The following KIF5A variants were observed in gnomAD, a reference collection of about 807,000 sequenced individuals.
KIF5A encodes kinesin family member 5A, also known as kinesin heavy chain isoform 5A.
In KIF5A, 35 loss-of-function variants were observed where a neutral mutation model predicts 141.3. That is an observed-to-expected ratio of 0.25 (90% CI 0.19 to 0.33). The LOEUF is 0.33. Among genes scored for constraint, KIF5A ranks in the 10% least tolerant of loss-of-function variants. The pLI is 1.00. For missense variants in KIF5A, 861 were observed against 1,314.3 expected (o/e 0.66, Z 5.33); for synonymous variants, 448 against 500.2 (o/e 0.90, Z 1.39).
chr12:57,578,396 A>G, intron 23 of KIF5A, 54 bp downstream of exon 23: 1 of 1,227,900 alleles, frequency 8.1e-7, no homozygotes, highest in South Asian at 1.2e-5. Context: ...TAGCTAGCAT[A>G]CCAAATCCTC....
intron 6 of KIF5A, among the ~76,000 whole-genome samples, chr12:57,566,907 G>T (rs1396005368): frequency 2.6e-5 from 4 of 151,894 alleles, no homozygotes; most frequent in African/African-American, 7.2e-5. Context: ...GGGCGTGTTG[G>T]CTCATGCCTG....
At chr12:57,558,919 G>T (rs1004613873) in intron 1 of KIF5A, among the ~76,000 whole-genome samples, 1 of 152,080 alleles carries the variant, frequency 6.6e-6, no homozygotes, top group Non-Finnish European at 1.5e-5. Context: ...GGGACCACAA[G>T]GCCCATGCCA....
At chr12:57,565,882 C>G (rs1463103337) in intron 6 of KIF5A, among the ~76,000 whole-genome samples, 1 of 151,508 alleles carries the variant, frequency 6.6e-6, no homozygotes, top group Non-Finnish European at 1.5e-5. Flanking sequence ...GCCTCAGCCT[C>G]CCAAAGTGCT....
rs116892071 is a variant in KIF5A at position 57,569,174 on chromosome 12, C to T, written c.820-82C>T. 6.0e-3 allele frequency: 9,551 copies of T among 1,579,990 alleles called. 52 individuals carry two copies. Among genetic ancestry groups the T allele is most frequent in the Non-Finnish European group, 7.1e-3 (8,216 of 1,150,080 alleles). On this transcript the variant is annotated intron_variant, in intron 9 of 28. Transcript: ENST00000455537. The stretch of plus-strand genomic sequence containing the variant: ...CCCCAATTCATGGGTTGTCTGATCC[C>T]GGGGTGGCACCACTATCCTTTCTGA...
intron 18 of KIF5A, 38 bp from the exon 19 acceptor site, chr12:57,576,231 G>A (rs763075012): frequency 1.2e-6 from 2 of 1,611,772 alleles, no homozygotes; most frequent in African/African-American, 1.3e-5. Context: ...TTGTTGCTGG[G>A]AGTCTGGCCT....
chr12:57,583,091 C>T lies in KIF5A; in HGVS notation c.3021-10C>T, dbSNP rs774933373. 1.5e-5 allele frequency: 24 copies of T among 1,612,280 alleles called. No homozygotes were observed. Among genetic ancestry groups the T allele is most frequent in the South Asian group, 2.2e-5 (2 of 90,924 alleles). ...CTATGGAGCTGATCATGGTGGGTCT[C>T]TTCCTCCAGGAGTGACCTGCCGTGT... is the stretch of plus-strand genomic sequence containing the variant. On this transcript the variant is annotated splice_polypyrimidine_tract_variant and intron_variant, in intron 27 of 28. Transcript: ENST00000455537.
At chr12:57,567,966 C>T (rs527957222) in intron 8 of KIF5A, among the ~76,000 whole-genome samples, 4 of 151,544 alleles carry the variant, frequency 2.6e-5, no homozygotes, top group African/African-American at 9.7e-5. Flanking sequence ...CACTGCAACC[C>T]CTGCCTCCCA....
chr12:57,565,725 A>G (rs1209952820), intron 6 of KIF5A, among the ~76,000 whole-genome samples: 5 of 150,332 alleles, frequency 3.3e-5, no homozygotes, highest in African/African-American at 1.2e-4. Context: ...CCTGGGTTCA[A>G]ACGATTCTCC....
chr12:57,581,616 A>T (rs929105061), intron 25 of KIF5A, 48 bp downstream of exon 25: 29 of 1,602,790 alleles, frequency 1.8e-5, no homozygotes, highest in Non-Finnish European at 2.3e-5. Context: ...AGCTCCCTGG[A>T]CCCTAGAAGG....
At chr12:57,552,673 C>T (rs1223671735) in intron 1 of KIF5A, among the ~76,000 whole-genome samples, 3 of 152,162 alleles carry the variant, frequency 2.0e-5, no homozygotes, top group African/African-American at 7.2e-5. Context: ...GAAGGAAATT[C>T]CTACTCCTTT....
Position 57,586,352 on chromosome 12 carries a change from T to G in KIF5A, c.*2171T>G, listed in dbSNP as rs1285971085. The G allele has an allele frequency of 6.6e-6, 1 of 152,222 alleles. No homozygotes were observed. Among genetic ancestry groups the G allele is most frequent in the Non-Finnish European group, 1.5e-5 (1 of 68,032 alleles). 9.4% of individuals were successfully genotyped at this position (152,222 alleles called of 1,614,324 possible). ...GGGAGCAGCCTTCTCTTTAGCAAGA[T>G]GTAAGGGAAATATAATTCACTTACA... On this transcript the variant is annotated 3_prime_UTR_variant, in exon 29 of 29. Coordinates refer to ENST00000455537, the MANE Select transcript of KIF5A (RefSeq NM_004984.4).
chr12:57,564,823 C>A, intron 5 of KIF5A, 95 bp from the exon 6 acceptor site: 1 of 1,191,898 alleles, frequency 8.4e-7, no homozygotes, highest in Non-Finnish European at 1.2e-6. Flanking sequence ...CTTCCTTTAG[C>A]ACAGAGAAGA....
At chr12:57,581,339 C>A in intron 24 of KIF5A, 76 bp from the exon 25 acceptor site, 1 of 1,594,218 alleles carries the variant, frequency 6.3e-7, no homozygotes. Flanking sequence ...AGTTCAACCC[C>A]AGCTAAATGA....
chr12:57,576,186 T>C, intron 18 of KIF5A, 35 bp downstream of exon 18: 1 of 1,610,776 alleles, frequency 6.2e-7, no homozygotes, highest in Non-Finnish European at 8.5e-7. Context: ...AATTGGGGCC[T>C]GGTGTGGTGA....
intron 1 of KIF5A, among the ~76,000 whole-genome samples, chr12:57,562,074 A>G (rs1881923932): frequency 1.3e-5 from 2 of 152,246 alleles, no homozygotes; most frequent in South Asian, 4.1e-4. Context: ...ATTTACCTCT[A>G]ATGCATCTAG....
chr12:57,565,621 A>ATT lies in KIF5A; in HGVS notation c.501+667_501+668dup, dbSNP rs398019767. On this transcript the variant is annotated intron_variant, in intron 6 of 28. Transcript: ENST00000455537. Reference sequence around the variant, plus strand: ...AGACCCGTCTCTCTTATTTAATCTAATTTTTTTTTTTTTTTTTTTTGGAGA... The same window carrying ATT: ...AGACCCGTCTCTCTTATTTAATCTAATTTTTTTTTTTTTTTTTTTTTTGGAGA... Among the ~76,000 whole-genome samples the ATT allele has an allele frequency of 6.5e-4, 84 of 128,372 alleles. 1 individual carries two copies. Among genetic ancestry groups the ATT allele is most frequent in the East Asian group, 2.1e-3 (9 of 4,226 alleles). 84.2% of individuals were successfully genotyped at this position (128,372 alleles called of 152,430 possible).
chr12:57,561,488 C>G (rs2140157512), intron 1 of KIF5A, among the ~76,000 whole-genome samples: 1 of 152,094 alleles, frequency 6.6e-6, no homozygotes. Context: ...AACTTCTTTT[C>G]CTTTGTGGAT....
rs1193791841 is a variant in KIF5A at position 57,564,113 on chromosome 12, G to T, written c.297G>T (p.Lys99Asn). Residue 99 changes from lysine (K) to asparagine (N), a missense_variant, in exon 4 of 29, where the codon AAG becomes AAT. Physicochemically the swap from Lys to Asn is moderately conservative, Grantham distance 94. This residue lies in a region of KIF5A where 146 missense variants were observed against 353.4 expected (regional missense o/e 0.41). Coordinates refer to ENST00000455537, the MANE Select transcript of KIF5A (RefSeq NM_004984.4). ...SSGKTHTMEGKLHDPQLMGII... is the reference protein window; with the variant it reads ...SSGKTHTMEGNLHDPQLMGII... ...CAAATACCTTCACTCGCCAGGGAAA[G>T]CTGCACGACCCTCAGCTGATGGGAA... 1 of 1,613,352 alleles carries T rather than the reference G, an allele frequency of 6.2e-7. No homozygotes were observed. The highest frequency in any genetic ancestry group is 8.5e-7 in the Non-Finnish European group (1 of 1,179,446).
chr12:57,580,075 T>C (rs1402068931), intron 23 of KIF5A, among the ~76,000 whole-genome samples: 1 of 152,204 alleles, frequency 6.6e-6, no homozygotes, highest in Non-Finnish European at 1.5e-5. Context: ...AGCAAAACAT[T>C]GCTTATACTC....
Sources: allele counts gnomAD v4.1 joint callset (sites outside exome capture counted in the v4.1 genomes callset), GRCh38; gene constraint gnomAD v4.1.1; regional missense constraint gnomAD v4.1.1; transcripts MANE v1.5; gene names NCBI Gene and HGNC (gene_info 2026-07-23, HGNC 2026-07-21).